ARL5B: variants seen among roughly 807,000 people sequenced by gnomAD.
ARL5B encodes ADP-ribosylation factor-like protein 5B.
Under a neutral mutation model 26.9 loss-of-function variants are expected in ARL5B, and 10 were observed. The observed-to-expected ratio is 0.37, with a 90% CI of 0.23 to 0.63. ARL5B has a LOEUF of 0.63. Ranked by LOEUF, ARL5B falls within the 30% of genes least tolerant of loss-of-function variation. The pLI is 0.62. For synonymous variants in ARL5B, 87 were observed against 70.4 expected (o/e 1.24, Z -1.18); for missense variants, 167 against 213.9 (o/e 0.78, Z 1.37).
rs1022266712 is a variant in ARL5B, at chr10:18,675,186, G to A, written c.510G>A (p.Glu170=). Residue 170 remains glutamate, a synonymous_variant, in exon 6 of 6, where the codon GAG becomes GAA. Transcript: ENST00000377275. ...TGTTTAGGTTATGCCAAGGTCTAGA[G>A]TGGATGACCTCCCGGATTGGTGTGA... The part of the protein sequence containing the change: ...LTGEGLCQGL[E]WMTSRIGVR The A allele has an allele frequency of 2.5e-6, 4 of 1,613,534 alleles. No individual in the cohort carries two copies. Among genetic ancestry groups the A allele is most frequent in the Non-Finnish European group, 3.4e-6 (4 of 1,179,514 alleles).
intron 1 of ARL5B, 84 bp downstream of exon 1, chr10:18,659,767 A>G: frequency 1.3e-6 from 2 of 1,572,414 alleles, no homozygotes; most frequent in Non-Finnish European, 1.7e-6. Context: ...CAGGGGACAG[A>G]GCGTTCGGAG....
intron 4 of ARL5B, 96 bp downstream of exon 4, chr10:18,672,801 C>T: frequency 1.4e-6 from 1 of 697,830 alleles, no homozygotes; most frequent in South Asian, 2.2e-5. Flanking sequence ...ATGATGTTGG[C>T]TATTTTATGA....
chr10:18,663,784 G>A (rs2059848081), intron 1 of ARL5B, among the ~76,000 whole-genome samples: 1 of 151,512 alleles, frequency 6.6e-6, no homozygotes. Context: ...TCCTGACCTT[G>A]TGATCCTCCC....
At chr10:18,665,803 G>T (rs187880177) in intron 1 of ARL5B, among the ~76,000 whole-genome samples, 2 of 152,270 alleles carry the variant, frequency 1.3e-5, no homozygotes, top group Admixed American at 1.3e-4. Context: ...GAAAATCTAG[G>T]AAAGATGGTA....
intron 2 of ARL5B, among the ~76,000 whole-genome samples, chr10:18,666,881 G>A (rs1022304312): frequency 7.2e-5 from 11 of 152,058 alleles, no homozygotes; most frequent in African/African-American, 2.4e-4. Flanking sequence ...TAAATAAAGC[G>A]CATATTAGAA....
chr10:18,662,256 A>G (rs1204436237), intron 1 of ARL5B, among the ~76,000 whole-genome samples: 1 of 152,214 alleles, frequency 6.6e-6, no homozygotes, highest in Admixed American at 6.5e-5. Flanking sequence ...GTTAAGAACT[A>G]CTGATCTTAC....
chr10:18,662,612 A>C (rs1363787665), intron 1 of ARL5B, among the ~76,000 whole-genome samples: 1 of 151,566 alleles, frequency 6.6e-6, no homozygotes, highest in Non-Finnish European at 1.5e-5. Context: ...TGTTTTTTAA[A>C]TTTCTTTTGA....
chr10:18,666,237 A>T (rs912200318), intron 1 of ARL5B, among the ~76,000 whole-genome samples: 1 of 152,264 alleles, frequency 6.6e-6, no homozygotes, highest in Admixed American at 6.5e-5. Context: ...CAGGCTTTTT[A>T]AAAAACTTAC....
intron 1 of ARL5B, among the ~76,000 whole-genome samples, chr10:18,665,972 C>T (rs1169168522): frequency 6.6e-6 from 1 of 152,104 alleles, no homozygotes; most frequent in African/African-American, 2.4e-5. Context: ...GTACAAAGAG[C>T]AGAAACAGAA....
intron 1 of ARL5B, among the ~76,000 whole-genome samples, chr10:18,665,818 GGTT>G (rs1286910033): frequency 6.6e-6 from 1 of 152,140 alleles, no homozygotes; most frequent in Non-Finnish European, 1.5e-5. Flanking sequence ...ATGGTATCTG[GGTT>G]GTTTTCTGTA....
At chr10:18,669,707 G>C (rs2059877979) in intron 3 of ARL5B, among the ~76,000 whole-genome samples, 1 of 151,974 alleles carries the variant, frequency 6.6e-6, no homozygotes, top group Non-Finnish European at 1.5e-5. Flanking sequence ...AAAAATTGGA[G>C]TTGGGCCAGA....
At chr10:18,672,497 C>G in intron 3 of ARL5B, 125 bp from the exon 4 acceptor site, 2 of 584,712 alleles carry the variant, frequency 3.4e-6, no homozygotes, top group Admixed American at 3.1e-5. Context: ...GGTGAAAAAG[C>G]AGTAGATGTT....
At position 18,681,270 on chromosome 10, in the gene ARL5B, A is replaced by G. The variant is rs956241493; in HGVS notation, c.*6054A>G. 4 of 152,222 alleles carry G rather than the reference A, an allele frequency of 2.6e-5. No homozygotes were observed. Among genetic ancestry groups the G allele is most frequent in the Non-Finnish European group, 4.4e-5 (3 of 68,036 alleles). The allele number at this position is 152,222 out of a possible 1,614,324, so 9.4% of individuals were successfully genotyped here. On this transcript the variant is annotated 3_prime_UTR_variant, in exon 6 of 6. Coordinates refer to ENST00000377275, the MANE Select transcript of ARL5B (RefSeq NM_178815.5). Reference sequence around the variant, plus strand: ...TAAGCATTAACAACAACAACAAAAAATTTAAAACAAGTAAATTAATGCATT... The same window carrying G: ...TAAGCATTAACAACAACAACAAAAAGTTTAAAACAAGTAAATTAATGCATT...
chr10:18,666,708 C>A, intron 2 of ARL5B, 73 bp downstream of exon 2: 1 of 1,245,620 alleles, frequency 8.0e-7, no homozygotes, highest in Non-Finnish European at 1.1e-6. Flanking sequence ...ATAAGAGATG[C>A]ATTATAATAA....
At chr10:18,672,531 A>G (rs543369014) in intron 3 of ARL5B, 91 bp from the exon 4 acceptor site, 1 of 841,818 alleles carries the variant, frequency 1.2e-6, no homozygotes, top group Admixed American at 2.2e-5. Flanking sequence ...GATGCCATGT[A>G]GAGAAAGTAC....
In ARL5B at chr10:18,659,508, C is replaced by A; in HGVS notation, c.-130C>A. The A allele has an allele frequency of 8.2e-7, 1 of 1,216,318 alleles. No individual in the cohort carries two copies. The highest frequency in any genetic ancestry group is 1.1e-6 in the Non-Finnish European group (1 of 904,140). 75.3% of individuals were successfully genotyped at this position (1,216,318 alleles called of 1,614,324 possible). ...GAGTGGTCGGGTCGAGGCTTCTCGGCCTAGCAGTGCCCTCGCTGCGCGATC... is the reference window on the plus strand; with the variant it reads ...GAGTGGTCGGGTCGAGGCTTCTCGGACTAGCAGTGCCCTCGCTGCGCGATC... On this transcript the variant is annotated 5_prime_UTR_variant, in exon 1 of 6. Transcript: ENST00000377275.
At chr10:18,671,779 C>A (rs908591310) in intron 3 of ARL5B, among the ~76,000 whole-genome samples, 1 of 151,976 alleles carries the variant, frequency 6.6e-6, no homozygotes, top group African/African-American at 2.4e-5. Context: ...AGTCCTCCCA[C>A]CTTAGCCTCC....
At position 18,677,075 on chromosome 10, in the gene ARL5B, A is replaced by C. The variant is rs530515700; in HGVS notation, c.*1859A>C. ...GGAATTAAGAAAATGCCATTTACCT[A>C]AGCACAGTTTGCCTGAATTTCTGCT... is the stretch of plus-strand genomic sequence containing the variant. On this transcript the variant is annotated 3_prime_UTR_variant, in exon 6 of 6. Transcript: ENST00000377275. 6.6e-6 allele frequency: 1 copy of C among 152,248 alleles called. No individual in the cohort carries two copies. The highest frequency in any genetic ancestry group is 2.1e-4 in the South Asian group (1 of 4,820). 9.4% of individuals were successfully genotyped at this position (152,248 alleles called of 1,614,324 possible).
intron 5 of ARL5B, 92 bp from the exon 6 acceptor site, chr10:18,675,076 C>A: frequency 2.7e-6 from 3 of 1,119,956 alleles, no homozygotes; most frequent in Non-Finnish European, 3.9e-6. Flanking sequence ...GATTGTGCTA[C>A]CAGCCTTTGG....
Sources: gnomAD v4.1 joint callset for allele counts (sites outside exome capture counted in the v4.1 genomes callset) on GRCh38, gnomAD v4.1.1 for gene constraint, MANE v1.5 for transcripts, NCBI Gene and HGNC (gene_info 2026-07-23, HGNC 2026-07-21) for gene names.